Variants in TRABD2B observed in about 807,000 individuals in gnomAD.
TRABD2B encodes the protein TraB domain containing 2B.
TRABD2B carries 14 observed loss-of-function variants against 40.1 expected under a neutral mutation model. The observed-to-expected ratio is 0.35, with a 90% CI of 0.23 to 0.55. TRABD2B has a LOEUF of 0.55. TRABD2B is among the 20% of genes least tolerant of loss of function. The pLI, the probability that TRABD2B is intolerant of heterozygous loss-of-function variation, is 0.90. For synonymous variants in TRABD2B, 263 were observed against 277.0 expected (o/e 0.95, Z 0.50); for missense variants, 541 against 648.6 (o/e 0.83, Z 1.80).
intron 2 of TRABD2B, among the ~76,000 whole-genome samples, chr1:47,971,120 T>C (rs1159351892): frequency 1.3e-5 from 2 of 152,192 alleles, no homozygotes; most frequent in Non-Finnish European, 2.9e-5. Flanking sequence ...GGCTTGGAAA[T>C]GGAAGGCCTG....
At chr1:47,770,197 C>T (rs1489681418) in intron 6 of TRABD2B, among the ~76,000 whole-genome samples, 2 of 152,150 alleles carry the variant, frequency 1.3e-5, no homozygotes, top group Non-Finnish European at 2.9e-5. Flanking sequence ...GCACACAGGG[C>T]CTGGGTCACA....
chr1:47,989,775 A>AC (rs1645974314), intron 2 of TRABD2B, among the ~76,000 whole-genome samples: 1 of 122,026 alleles, frequency 8.2e-6, no homozygotes, highest in South Asian at 2.4e-4. Flanking sequence ...CACACACACA[A>AC]ACACACACAC....
intron 2 of TRABD2B, among the ~76,000 whole-genome samples, chr1:47,928,031 T>C (rs971783495): frequency 2.0e-5 from 3 of 152,202 alleles, no homozygotes; most frequent in Non-Finnish European, 2.9e-5. Context: ...ACTTCTGAAT[T>C]GGAATCTGTA....
chr1:47,930,724 T>G (rs1645029045), intron 2 of TRABD2B, among the ~76,000 whole-genome samples: 1 of 151,926 alleles, frequency 6.6e-6, no homozygotes, highest in Non-Finnish European at 1.5e-5. Flanking sequence ...ATCACACAAC[T>G]CCTCTCTCCC....
intron 2 of TRABD2B, among the ~76,000 whole-genome samples, chr1:47,932,867 T>C (rs1275732111): frequency 6.6e-6 from 1 of 152,212 alleles, no homozygotes; most frequent in Admixed American, 6.5e-5. Context: ...AGTTGTCAAG[T>C]GACTAGTTCA....
At chr1:47,946,648 G>C (rs1333220754) in intron 2 of TRABD2B, among the ~76,000 whole-genome samples, 1 of 152,074 alleles carries the variant, frequency 6.6e-6, no homozygotes, top group Non-Finnish European at 1.5e-5. Context: ...TAATTTTGTT[G>C]AGAGTTTTTG....
chr1:47,836,763 A>ACC (rs1645324443), intron 2 of TRABD2B, among the ~76,000 whole-genome samples: 1 of 152,196 alleles, frequency 6.6e-6, no homozygotes, highest in African/African-American at 2.4e-5. Context: ...ATTAGTACTT[A>ACC]CAAAAGAGAC....
At chr1:47,872,131 GGTCATGGCAGCACTAGTCCCA>G (rs1557626978) in intron 2 of TRABD2B, among the ~76,000 whole-genome samples, 1 of 152,174 alleles carries the variant, frequency 6.6e-6, no homozygotes, top group East Asian at 1.9e-4. Context: ...CAGCATGCAG[GGTCATGGCAGCACTAGTCCCA>G]TCCTCTCTGG....
At chr1:47,787,620 C>T (rs1462014188) in intron 4 of TRABD2B, among the ~76,000 whole-genome samples, 1 of 152,150 alleles carries the variant, frequency 6.6e-6, no homozygotes, top group Non-Finnish European at 1.5e-5. Flanking sequence ...TTTCACCTGT[C>T]AATCTAGCCT....
intron 2 of TRABD2B, among the ~76,000 whole-genome samples, chr1:47,975,202 C>A (rs1365267860): frequency 1.3e-5 from 2 of 152,190 alleles, no homozygotes; most frequent in African/African-American, 4.8e-5. Flanking sequence ...AAATGTACCA[C>A]ATTAACATAA....
chr1:47,954,588 GACA>G lies in TRABD2B; in HGVS notation c.666+39443_666+39445del, dbSNP rs1169826669. 2.0e-5 allele frequency among the ~76,000 whole-genome samples: 3 copies of G among 152,182 alleles called. No homozygotes were observed. In the East Asian group the frequency reaches 5.8e-4, roughly 29 times the overall value. ...GAACTGCTGAGAGTTTTCAAGGAGAGACAACAAACATTTGAGCTGTCATGTGAA... is the reference window on the plus strand; with the variant it reads ...GAACTGCTGAGAGTTTTCAAGGAGAGACAAACATTTGAGCTGTCATGTGAA... On this transcript the variant is annotated intron_variant, in intron 2 of 6. Coordinates refer to ENST00000606738, the MANE Select transcript of TRABD2B (RefSeq NM_001194986.2).
intron 2 of TRABD2B, among the ~76,000 whole-genome samples, chr1:47,943,757 AAC>A (rs10554684): frequency 0.11 from 15,592 of 146,626 alleles, 1,106 homozygotes; most frequent in African/African-American, 0.22. Flanking sequence ...GCATCCAGAA[AAC>A]ACACACACAC....
rs1007443021 is a variant in TRABD2B, at chr1:47,762,643, A to G, written c.*3259T>C. The G allele has an allele frequency of 1.3e-5, 2 of 152,230 alleles. No homozygotes were observed. The highest frequency in any genetic ancestry group is 4.8e-5 in the African/African-American group (2 of 41,450). The allele number at this position is 152,230 out of a possible 1,614,324, so 9.4% of individuals were successfully genotyped here. A position where few individuals can be genotyped will look rare whatever the true frequency, so the allele number is the denominator to read the frequency against. On this transcript the variant is annotated 3_prime_UTR_variant, in exon 7 of 7. Coordinates refer to ENST00000606738, the MANE Select transcript of TRABD2B (RefSeq NM_001194986.2). ...TTTCAATGCAAGGACAAATTTGTTC[A>G]TAACCAGCACAAGGTTCCATGCTTC...
At chr1:47,992,939 G>GC (rs1448357779) in intron 2 of TRABD2B, among the ~76,000 whole-genome samples, 2 of 152,316 alleles carry the variant, frequency 1.3e-5, no homozygotes, top group East Asian at 3.9e-4. Flanking sequence ...GGACAATATT[G>GC]CATTTCCCTT....
intron 3 of TRABD2B, among the ~76,000 whole-genome samples, chr1:47,799,214 G>A (rs1035292191): frequency 5.9e-5 from 9 of 152,148 alleles, no homozygotes; most frequent in Non-Finnish European, 2.9e-5. Context: ...GCACACTCCC[G>A]CCCTCCTGGC....
intron 2 of TRABD2B, among the ~76,000 whole-genome samples, chr1:47,875,110 C>T (rs892168414): frequency 6.6e-6 from 1 of 151,900 alleles, no homozygotes; most frequent in African/African-American, 2.4e-5. Context: ...CTCATGGGCT[C>T]AGACTGAGAG....
intron 4 of TRABD2B, among the ~76,000 whole-genome samples, chr1:47,781,179 G>A (rs988005185): frequency 6.6e-6 from 1 of 152,204 alleles, no homozygotes; most frequent in African/African-American, 2.4e-5. Context: ...GGAACTCTCT[G>A]CAAGCGGCTC....
At chr1:47,963,508 C>CAATT (rs1645552730) in intron 2 of TRABD2B, among the ~76,000 whole-genome samples, 1 of 152,160 alleles carries the variant, frequency 6.6e-6, no homozygotes, top group Non-Finnish European at 1.5e-5. Flanking sequence ...AGAGTAACTT[C>CAATT]AATTAACCCA....
At chr1:47,991,104 A>T (rs1646005006) in intron 2 of TRABD2B, among the ~76,000 whole-genome samples, 1 of 152,014 alleles carries the variant, frequency 6.6e-6, no homozygotes, top group Non-Finnish European at 1.5e-5. Flanking sequence ...GACAGGAGGA[A>T]GTCTAGAGAA....
Sources: gnomAD v4.1 joint callset for allele counts (sites outside exome capture counted in the v4.1 genomes callset) on GRCh38, gnomAD v4.1.1 for gene constraint, MANE v1.5 for transcripts, NCBI Gene and HGNC (gene_info 2026-07-23, HGNC 2026-07-21) for gene names.